GGA3: variants seen among roughly 807,000 people sequenced by gnomAD.
The protein encoded by GGA3 is ADP-ribosylation factor-binding protein GGA3.
In GGA3, 57 loss-of-function variants were observed where a neutral mutation model predicts 77.5. The ratio of observed to expected loss-of-function variants is 0.74; its 90% confidence interval spans 0.59 to 0.92. GGA3 has a LOEUF of 0.92. Ranked by LOEUF, GGA3 falls within the 40% of genes least tolerant of loss-of-function variation. GGA3 has a pLI of 0.00. For missense variants in GGA3, 970 were observed against 914.9 expected (o/e 1.06, Z -0.78); for synonymous variants, 416 against 383.7 (o/e 1.08, Z -0.98).
In GGA3 at chr17:75,238,087, G is replaced by A; in HGVS notation, c.*192C>T. The A allele has an allele frequency of 7.2e-7, 1 of 1,393,348 alleles. No individual in the cohort carries two copies. The highest frequency in any genetic ancestry group is 9.3e-7 in the Non-Finnish European group (1 of 1,077,338). 86.3% of individuals were successfully genotyped at this position (1,393,348 alleles called of 1,614,324 possible). On this transcript the variant is annotated 3_prime_UTR_variant, in exon 17 of 17. Coordinates refer to ENST00000537686, the MANE Select transcript of GGA3 (RefSeq NM_138619.4). ...CAAGTCACACAGGTAGATAAAAACA[G>A]GTCCTTTTAGGGGCCAAAGGAGAGG...
chr17:75,244,020 G>A (rs2076668195), intron 4 of GGA3, among the ~76,000 whole-genome samples: 1 of 152,150 alleles, frequency 6.6e-6, no homozygotes, highest in South Asian at 2.1e-4. Flanking sequence ...CATCAAGACA[G>A]AGAGGCTTCC....
At position 75,242,327 on chromosome 17, in the gene GGA3, C is replaced by T. The variant is rs771586688; in HGVS notation, c.747+9G>A. ...CCCGGGAGGCAGCCTTTGCCGTCGG[C>T]GGTCCCACCTTCATCAGCTCTCTGT... On this transcript the variant is annotated intron_variant, in intron 8 of 16. Coordinates refer to ENST00000537686, the MANE Select transcript of GGA3 (RefSeq NM_138619.4). 1.6e-5 allele frequency: 26 copies of T among 1,613,944 alleles called. No individual in the cohort carries two copies. The highest frequency in any genetic ancestry group is 5.5e-5 in the South Asian group (5 of 91,092).
chr17:75,238,406 CAAGT>C lies in GGA3; in HGVS notation c.2062-21_2062-18del. 1 of 1,608,080 alleles carries C rather than the reference CAAGT, an allele frequency of 6.2e-7. No individual in the cohort carries two copies. The highest frequency in any genetic ancestry group is 8.5e-7 in the Non-Finnish European group (1 of 1,175,722). On this transcript the variant is annotated intron_variant, in intron 16 of 16. Coordinates refer to ENST00000537686, the MANE Select transcript of GGA3 (RefSeq NM_138619.4). ...CACCTTCTCCTGTGACAGAGGGCAG[CAAGT>C]GAGATCCAGCCCAGGCGGCCCCTTG...
In GGA3 at chr17:75,242,405, T is replaced by A; in HGVS notation, c.678A>T (p.Arg226Ser). 6.2e-7 allele frequency: 1 copy of A among 1,614,074 alleles called. No individual in the cohort carries two copies. The highest frequency in any genetic ancestry group is 8.5e-7 in the Non-Finnish European group (1 of 1,179,936). Reference sequence around the variant, plus strand: ...AATGAAGCAGCATCTCACTGAGCAGTCTCACGTTGTTGTTAACTTCCTCTA... The same window carrying A: ...AATGAAGCAGCATCTCACTGAGCAGACTCACGTTGTTGTTAACTTCCTCTA... ...HTLEEVNNNV[R>S]LLSEMLLHYS... Residue 226 changes from arginine to serine, a missense_variant, in exon 8 of 17, where the codon AGA becomes AGT. Transcript: ENST00000537686.
In GGA3 at chr17:75,239,895, C is replaced by T; in HGVS notation, c.1477G>A (p.Ala493Thr). 6.2e-7 allele frequency: 1 copy of T among 1,613,628 alleles called. No individual in the cohort carries two copies. The highest frequency in any genetic ancestry group is 8.5e-7 in the Non-Finnish European group (1 of 1,179,804). The change falls in exon 13 of 17, where the codon GCC (alanine) becomes ACC (threonine). Residue 493 changes from alanine (A) to threonine (T), a missense_variant. Transcript: ENST00000537686. Reference sequence around the variant, plus strand: ...GGGACTGCGGGCTCAACTTTTGGGGCCAAGGCTGGGGCCACTCCAGTAGAA... The same window carrying T: ...GGGACTGCGGGCTCAACTTTTGGGGTCAAGGCTGGGGCCACTCCAGTAGAA... Reference protein sequence around the residue: ...LFSTGVAPALAPKVEPAVPGH... With the variant: ...LFSTGVAPALTPKVEPAVPGH...
At chr17:75,257,463 T>G (rs990682582) in intron 1 of GGA3, among the ~76,000 whole-genome samples, 1 of 152,182 alleles carries the variant, frequency 6.6e-6, no homozygotes, top group African/African-American at 2.4e-5. Flanking sequence ...TCTTAACTCT[T>G]GAAGTAAATA....
At chr17:75,240,473 C>A (rs959359307) in intron 11 of GGA3, 61 bp from the exon 12 acceptor site, 1 of 1,141,528 alleles carries the variant, frequency 8.8e-7, no homozygotes, top group Admixed American at 2.1e-5. Flanking sequence ...CCTAGCCCCG[C>A]CTTGCCTGAG....
Position 75,238,219 on chromosome 17 carries a change from C to A in GGA3, c.*60G>T. On this transcript the variant is annotated 3_prime_UTR_variant, in exon 17 of 17. Transcript: ENST00000537686. Reference sequence around the variant, plus strand: ...GCATGGAGAGTGACGGGACCAGAGCCCTCCTCGTCTCAGGGCAGCCTGCCT... The same window carrying A: ...GCATGGAGAGTGACGGGACCAGAGCACTCCTCGTCTCAGGGCAGCCTGCCT... 1.9e-6 allele frequency: 3 copies of A among 1,588,580 alleles called. No individual in the cohort carries two copies. Among genetic ancestry groups the A allele is most frequent in the Non-Finnish European group, 2.6e-6 (3 of 1,164,806 alleles).
chr17:75,238,279 T>A lies in GGA3; in HGVS notation c.2172A>T (p.Ter724CysextTer6). The change falls in exon 17 of 17, where the codon TGA becomes TGT. Residue 724 changes from the stop codon to cysteine, a stop_lost. Transcript: ENST00000537686. ...FPPVEQWGNL[*>C] Reference sequence around the variant, plus strand: ...GTGGAGATCACAGCGTCCTCTGGGGTCATAGGTTCCCCCACTGTTCCACAG... The same window carrying A: ...GTGGAGATCACAGCGTCCTCTGGGGACATAGGTTCCCCCACTGTTCCACAG... The A allele has an allele frequency of 1.2e-6, 2 of 1,612,754 alleles. No individual in the cohort carries two copies. The highest frequency in any genetic ancestry group is 1.7e-6 in the Non-Finnish European group (2 of 1,179,424).
Position 75,236,803 on chromosome 17 carries a change from G to A in GGA3, c.*1476C>T, listed in dbSNP as rs1414423911. 1.3e-5 allele frequency: 2 copies of A among 153,638 alleles called. No homozygotes were observed. Among genetic ancestry groups the A allele is most frequent in the Non-Finnish European group, 2.9e-5 (2 of 68,730 alleles). The allele number at this position is 153,638 out of a possible 1,614,324, so 9.5% of individuals were successfully genotyped here. A position where few individuals can be genotyped will look rare whatever the true frequency, so the allele number is the denominator to read the frequency against. On this transcript the variant is annotated 3_prime_UTR_variant, in exon 17 of 17. Coordinates refer to ENST00000537686, the MANE Select transcript of GGA3 (RefSeq NM_138619.4). ...CCAGGGCTGCAGCAGCCAGTCTCTGGAAAGCTCTTGGATTTATTCCTTAAG... is the reference window on the plus strand; with the variant it reads ...CCAGGGCTGCAGCAGCCAGTCTCTGAAAAGCTCTTGGATTTATTCCTTAAG...
At chr17:75,246,950 G>GA (rs548830047) in intron 1 of GGA3, among the ~76,000 whole-genome samples, 154 bp from the exon 2 acceptor site, 3,180 of 144,066 alleles carry the variant, frequency 0.022, 36 homozygotes, top group African/African-American at 0.025. Flanking sequence ...CAAGGAGACA[G>GA]AAAAAAAAAA....
At chr17:75,240,278 G>A (rs2076496399) in intron 12 of GGA3, 64 bp downstream of exon 12, 4 of 1,251,200 alleles carry the variant, frequency 3.2e-6, no homozygotes, top group East Asian at 2.4e-5. Context: ...CAGCCCAGGA[G>A]ACATGACGCT....
chr17:75,261,937 T>C (rs1406020989), upstream of GGA3: 1 of 1,608,620 alleles, frequency 6.2e-7, no homozygotes, highest in East Asian at 2.2e-5. Context: ...CCGAGGATGG[T>C]CGGGCCTGGC....
At chr17:75,239,270 A>T in intron 14 of GGA3, 105 bp downstream of exon 14, 1 of 1,101,746 alleles carries the variant, frequency 9.1e-7, no homozygotes, top group Non-Finnish European at 1.3e-6. Context: ...CCTGGCTTTA[A>T]GGGACCCCCT....
At chr17:75,255,755 A>G (rs55733536) in intron 1 of GGA3, among the ~76,000 whole-genome samples, 95,729 of 142,588 alleles carry the variant, frequency 0.67, 29,695 homozygotes, top group East Asian at 0.8. Context: ...ACCCCATGGT[A>G]CCAAACCATA....
intron 1 of GGA3, chr17:75,249,154 T>A: frequency 5.0e-6 from 1 of 201,530 alleles, no homozygotes; most frequent in Non-Finnish European, 8.7e-6. Context: ...CGAGCTATTC[T>A]CCTGCCTCAG....
chr17:75,250,830 C>T (rs1282034677), intron 1 of GGA3, among the ~76,000 whole-genome samples: 1 of 148,358 alleles, frequency 6.7e-6, no homozygotes, highest in Non-Finnish European at 1.5e-5. Flanking sequence ...GTAATCCCAG[C>T]ACTTTGGGAG....
In GGA3 at chr17:75,240,073, C is replaced by G. The variant is rs1315787197; in HGVS notation, c.1299G>C (p.Arg433Ser). 6.5e-7 allele frequency: 1 copy of G among 1,550,150 alleles called. No individual in the cohort carries two copies. The highest frequency in any genetic ancestry group is 2.4e-5 in the East Asian group (1 of 41,204). The change falls in exon 13 of 17, where the codon AGG (arginine) becomes AGC (serine). Residue 433 changes from arginine (R) to serine (S), a missense_variant. Transcript: ENST00000537686. ...EQSDLDFFSP[R>S]PGTAACGASD... is the part of the protein sequence containing the mutation. The stretch of plus-strand genomic sequence containing the variant: ...AGGCGCCACAGGCAGCGGTCCCCGG[C>G]CTGGGGCTGAAGAAGTCCAGGTCGG...
Position 75,237,501 on chromosome 17 carries a change from C to T in GGA3, c.*778G>A, listed in dbSNP as rs1332223552. 7.2e-6 allele frequency: 11 copies of T among 1,535,920 alleles called. No homozygotes were observed. In the South Asian group the frequency reaches 1.3e-4, roughly 18 times the overall value. ...GATGGCCTGTCCCCACGGCTGGAGG[C>T]ACGCTTTTCCCAGAAAGCTGAGTAC... On this transcript the variant is annotated 3_prime_UTR_variant, in exon 17 of 17. Transcript: ENST00000537686.
Sources: allele counts gnomAD v4.1 joint callset (sites outside exome capture counted in the v4.1 genomes callset), GRCh38; gene constraint gnomAD v4.1.1; transcripts MANE v1.5; gene names NCBI Gene and HGNC (gene_info 2026-07-23, HGNC 2026-07-21).